The following CCDC171 variants were observed in gnomAD, a reference collection of about 807,000 sequenced individuals.
CCDC171 encodes the protein coiled-coil domain-containing protein 171.
CCDC171 carries 177 observed loss-of-function variants against 168.2 expected under a neutral mutation model. The ratio of observed to expected loss-of-function variants is 1.05; its 90% confidence interval spans 0.93 to 1.19. The LOEUF (loss-of-function observed/expected upper bound fraction) is 1.19, where lower values mean the gene tolerates loss of function less well. CCDC171 is among the 50% of genes most tolerant of loss of function. The pLI, the probability that CCDC171 is intolerant of heterozygous loss-of-function variation, is 0.00. For synonymous variants in CCDC171, 687 were observed against 540.8 expected (o/e 1.27, Z -3.75); for missense variants, 1,991 against 1,539.0 (o/e 1.29, Z -4.91).
intron 10 of CCDC171, among the ~76,000 whole-genome samples, chr9:15,693,389 T>C (rs2050970013): frequency 1.3e-5 from 2 of 152,106 alleles, no homozygotes; most frequent in South Asian, 4.1e-4. Context: ...GTTGATAACA[T>C]GCTATAATTA....
chr9:15,971,800 T>A lies in CCDC171; in HGVS notation c.3945T>A (p.Ser1315=), dbSNP rs1267234965. The A allele has an allele frequency of 1.2e-6, 2 of 1,613,962 alleles. No homozygotes were observed. The highest frequency in any genetic ancestry group is 2.2e-5 in the South Asian group (2 of 91,082). ...TSSHSSPVTM[S]ANANRPTQIG... is the part of the protein sequence containing the mutation. ...CTCACTCCTCTCCAGTGACTATGTC[T>A]GCTAATGCCAACAGACCAACTCAGA... Residue 1315 remains serine (S), a synonymous_variant, in exon 26 of 26, where the codon TCT becomes TCA. Coordinates refer to ENST00000380701, the MANE Select transcript of CCDC171 (RefSeq NM_173550.4).
chr9:15,997,941 TG>T (rs1423791346), intron 3 of CCDC171, among the ~76,000 whole-genome samples: 1 of 152,202 alleles, frequency 6.6e-6, no homozygotes, highest in Non-Finnish European at 1.5e-5. Context: ...CCTGCCAAGA[TG>T]GTGACTCTTC....
intron 24 of CCDC171, chr9:15,886,905 T>C (rs2131415850): frequency 1.3e-5 from 2 of 152,240 alleles, no homozygotes; most frequent in Middle Eastern, 6.8e-3. Flanking sequence ...AAATACTGCA[T>C]GATTCCATTT....
chr9:15,628,378 C>T (rs1224266064), intron 7 of CCDC171, among the ~76,000 whole-genome samples: 1 of 152,190 alleles, frequency 6.6e-6, no homozygotes, highest in Non-Finnish European at 1.5e-5. Flanking sequence ...GAGATTATAA[C>T]CCGCATCTGG....
At chr9:15,959,601 C>G (rs1589252136) in intron 25 of CCDC171, among the ~76,000 whole-genome samples, 1 of 152,016 alleles carries the variant, frequency 6.6e-6, no homozygotes, top group Non-Finnish European at 1.5e-5. Context: ...AGTAGACAAC[C>G]TACTCCAAGC....
At chr9:15,880,636 T>TG (rs1362847779) in intron 24 of CCDC171, among the ~76,000 whole-genome samples, 1 of 150,560 alleles carries the variant, frequency 6.6e-6, no homozygotes, top group African/African-American at 2.4e-5. Context: ...GTTTTTTTTT[T>TG]TTTTTTTTTT....
At chr9:15,578,572 G>T (rs1420444373) in intron 3 of CCDC171, among the ~76,000 whole-genome samples, 1 of 151,178 alleles carries the variant, frequency 6.6e-6, no homozygotes, top group African/African-American at 2.4e-5. Flanking sequence ...GCCTGGCCAA[G>T]GTGTGACTAT....
chr9:15,613,486 A>C (rs1014091882), intron 6 of CCDC171, among the ~76,000 whole-genome samples: 5 of 148,146 alleles, frequency 3.4e-5, no homozygotes, highest in Non-Finnish European at 7.6e-5. Context: ...AAGCTTAATA[A>C]AAACAAATGG....
chr9:15,662,110 C>G (rs890049989), intron 8 of CCDC171, among the ~76,000 whole-genome samples: 3 of 152,156 alleles, frequency 2.0e-5, no homozygotes, highest in African/African-American at 7.2e-5. Context: ...AACCCCGTCT[C>G]TGCTAAAAAT....
chr9:15,613,077 T>A (rs547475360), intron 6 of CCDC171, among the ~76,000 whole-genome samples: 1 of 152,206 alleles, frequency 6.6e-6, no homozygotes, highest in South Asian at 2.1e-4. Flanking sequence ...ATATACTCAG[T>A]ATTAGAATTT....
At chr9:15,622,959 T>G (rs535597627) in intron 6 of CCDC171, among the ~76,000 whole-genome samples, 1 of 152,248 alleles carries the variant, frequency 6.6e-6, no homozygotes, top group Non-Finnish European at 1.5e-5. Context: ...TATATGATAG[T>G]TGAACTACTG....
chr9:15,716,457 C>CT lies in CCDC171; in HGVS notation c.1319-5302dup, dbSNP rs368838187. ...ATAAGGTCCTCGGTTTAGGGTGACC[C>CT]TTTTTTTTTTATTTGTAAGCATTTT... is the stretch of plus-strand genomic sequence containing the variant. On this transcript the variant is annotated intron_variant, in intron 11 of 25. Coordinates refer to ENST00000380701, the MANE Select transcript of CCDC171 (RefSeq NM_173550.4). Among the ~76,000 whole-genome samples, 166 of 147,670 alleles carry CT rather than the reference C, an allele frequency of 1.1e-3. 2 individuals are homozygous for CT. The highest frequency in any genetic ancestry group is 2.9e-3 in the African/African-American group (117 of 40,306).
chr9:15,822,561 G>T (rs566218795), intron 21 of CCDC171, among the ~76,000 whole-genome samples: 1 of 152,134 alleles, frequency 6.6e-6, no homozygotes, highest in Non-Finnish European at 1.5e-5. Flanking sequence ...AGACATTTAT[G>T]CAGCCAAAAA....
chr9:15,872,254 T>C (rs867956344), intron 23 of CCDC171, among the ~76,000 whole-genome samples: 7 of 152,092 alleles, frequency 4.6e-5, no homozygotes, highest in African/African-American at 1.7e-4. Flanking sequence ...TAAAGAATTA[T>C]TTAATTTGGC....
At chr9:15,649,036 G>C (rs966603437) in intron 7 of CCDC171, among the ~76,000 whole-genome samples, 7 of 152,154 alleles carry the variant, frequency 4.6e-5, no homozygotes, top group Admixed American at 6.6e-5. Flanking sequence ...CATGGTACTG[G>C]TACCAAAACA....
chr9:15,657,003 G>GA (rs539421773), intron 7 of CCDC171, 124 bp from the exon 8 acceptor site: 11,917 of 389,412 alleles, frequency 0.031, no homozygotes, highest in Middle Eastern at 0.047. Flanking sequence ...TTCTTGCAAA[G>GA]AAAAAAAAAA....
chr9:15,849,472 G>T (rs1275090518), intron 23 of CCDC171, among the ~76,000 whole-genome samples: 1 of 151,138 alleles, frequency 6.6e-6, no homozygotes, highest in African/African-American at 2.4e-5. Context: ...TTTCAAATTT[G>T]ATTACTCCTG....
intron 6 of CCDC171, among the ~76,000 whole-genome samples, chr9:15,604,952 C>T (rs1343077564): frequency 6.6e-6 from 1 of 152,176 alleles, no homozygotes; most frequent in Non-Finnish European, 1.5e-5. Context: ...AGGTCTCACT[C>T]TGTTGCCCAT....
At chr9:15,788,493 A>T (rs886499626) in intron 21 of CCDC171, among the ~76,000 whole-genome samples, 1 of 26,522 alleles carries the variant, frequency 3.8e-5, no homozygotes, top group East Asian at 1.3e-3. Flanking sequence ...AGTAGAAGAT[A>T]TGGATACAGA....
Sources: allele counts gnomAD v4.1 joint callset (sites outside exome capture counted in the v4.1 genomes callset), GRCh38; gene constraint gnomAD v4.1.1; transcripts MANE v1.5; gene names NCBI Gene and HGNC (gene_info 2026-07-23, HGNC 2026-07-21).